The following ATPAF2 variants were observed in gnomAD, a reference collection of about 807,000 sequenced individuals.
ATPAF2 encodes ATP12 homolog.
A neutral mutation model predicts 36.6 loss-of-function variants in ATPAF2; 30 were observed. The ratio of observed to expected loss-of-function variants is 0.82; its 90% CI spans 0.61 to 1.11. The LOEUF (loss-of-function observed/expected upper bound fraction) is 1.11, where lower values mean the gene tolerates loss of function less well. ATPAF2 is among the 50% of genes most tolerant of loss of function. The probability of loss-of-function intolerance (pLI) is 0.00; values close to 1 mark genes in which losing one functional copy is unlikely to be tolerated. For synonymous variants in ATPAF2, 140 were observed against 152.6 expected, an observed-to-expected ratio of 0.92 and a Z score of 0.61; for missense variants, 321 against 372.3, an observed-to-expected ratio of 0.86 and a Z score of 1.13.
At chr17:18,037,275 C>T (rs1035832556) in intron 1 of ATPAF2, among the ~76,000 whole-genome samples, 1 of 151,804 alleles carries the variant, frequency 6.6e-6, no homozygotes, top group Non-Finnish European at 1.5e-5. Flanking sequence ...TGCATCCAGC[C>T]CCCTTCCCCA....
intron 1 of ATPAF2, among the ~76,000 whole-genome samples, chr17:18,032,035 T>C (rs1309879662): frequency 1.3e-5 from 2 of 152,184 alleles, no homozygotes; most frequent in Non-Finnish European, 2.9e-5. Flanking sequence ...ACCATGTCCT[T>C]TGTGTTTTCC....
chr17:18,028,156 G>A (rs192849497), intron 3 of ATPAF2, 76 bp downstream of exon 3: 106 of 1,594,432 alleles, frequency 6.6e-5, no homozygotes, highest in Admixed American at 4.3e-4. Flanking sequence ...GGGCCTTGTC[G>A]GAATTTGGTA....
chr17:18,028,610 C>G lies in ATPAF2; in HGVS notation c.178+5G>C, dbSNP rs1360522516. 3 of 1,601,254 alleles carry G rather than the reference C, an allele frequency of 1.9e-6. No individual in the cohort carries two copies. In the Admixed American group the frequency reaches 5.0e-5, roughly 27 times the overall value. On this transcript the variant is annotated splice_donor_5th_base_variant and intron_variant, in intron 2 of 7. Coordinates refer to ENST00000474627, the MANE Select transcript of ATPAF2 (RefSeq NM_145691.4). ...AAAGAGGCAGTCAAAATTTCAGACA[C>G]TCACCTTCACCCTGTGTGATGCTGA... is the stretch of plus-strand genomic sequence containing the variant.
intron 1 of ATPAF2, among the ~76,000 whole-genome samples, chr17:18,031,422 ATG>A (rs1290301672): frequency 1.3e-5 from 2 of 152,156 alleles, no homozygotes; most frequent in African/African-American, 4.8e-5. Flanking sequence ...CCACAAAAAT[ATG>A]TGTGTGTCTA....
At chr17:18,020,069 C>T (rs1384160787) in intron 7 of ATPAF2, among the ~76,000 whole-genome samples, 1 of 151,788 alleles carries the variant, frequency 6.6e-6, no homozygotes, top group Non-Finnish European at 1.5e-5. Context: ...CAGAAGACTA[C>T]AAGAACTAGG....
intron 1 of ATPAF2, among the ~76,000 whole-genome samples, chr17:18,035,254 A>G (rs541911231): frequency 2.1e-4 from 32 of 152,134 alleles, no homozygotes; most frequent in Non-Finnish European, 4.0e-4. Context: ...AACAAAAAAA[A>G]CCCAAACTTT....
rs1252151796 is a variant in ATPAF2 at position 18,021,126 on chromosome 17, G to T, written c.729C>A (p.Tyr243Ter). Residue 243 changes from tyrosine to a stop codon, truncating the protein, a stop_gained, in exon 7 of 8, where the codon TAC (tyrosine) becomes TAA (stop). Transcript: ENST00000474627. LOFTEE classifies it high-confidence loss of function. ...GACCTGAGGTGCTGCTCCTCACCTG[G>T]TACTCCTCCTCCAGGCGTGACAGCA... ...AVLLSRLEEE[Y>*]QIQKWGNIEW... 1.2e-6 allele frequency: 2 copies of T among 1,612,870 alleles called. No individual in the cohort carries two copies. Among genetic ancestry groups the T allele is most frequent in the Non-Finnish European group, 8.5e-7 (1 of 1,179,542 alleles).
intron 1 of ATPAF2, among the ~76,000 whole-genome samples, chr17:18,030,963 G>A (rs185117658): frequency 0.016 from 1,999 of 122,500 alleles, 57 homozygotes; most frequent in African/African-American, 0.061. Context: ...GTGAGCCACC[G>A]CGCCTGGCCT....
intron 1 of ATPAF2, among the ~76,000 whole-genome samples, chr17:18,036,383 G>C (rs1249458200): frequency 6.6e-6 from 1 of 152,076 alleles, no homozygotes; most frequent in Non-Finnish European, 1.5e-5. Context: ...AGACCATCCA[G>C]ACTAACATGG....
rs1471995487 is a variant in ATPAF2, at chr17:18,038,980, C to T, written c.34G>A (p.Gly12Arg). Residue 12 changes from glycine to arginine, a missense_variant, in exon 1 of 8, where the codon GGA becomes AGA. Gly to Arg is a moderately radical substitution (Grantham distance 125). Coordinates refer to ENST00000474627, the MANE Select transcript of ATPAF2 (RefSeq NM_145691.4). ...GCCGGCCGATTCAGGAGACGGCGTC[C>T]CCCGTCCCGCAGCCGGAGGCAGCTC... ...WRSCLRLRDG[G>R]RRLLNRPAGG... 2.5e-6 allele frequency: 4 copies of T among 1,612,174 alleles called. No individual in the cohort carries two copies. Among genetic ancestry groups the T allele is most frequent in the Non-Finnish European group, 3.4e-6 (4 of 1,179,200 alleles).
chr17:18,016,714 C>A, downstream of ATPAF2: 1 of 1,347,234 alleles, frequency 7.4e-7, no homozygotes, highest in Non-Finnish European at 1.1e-6. Flanking sequence ...ATAGCACCAG[C>A]CCCAGCCAGG....
At chr17:18,030,320 C>CAAA (rs1162130285) in intron 1 of ATPAF2, among the ~76,000 whole-genome samples, 20 of 64,062 alleles carry the variant, frequency 3.1e-4, no homozygotes, top group South Asian at 5.7e-4. Context: ...GACTCCATCT[C>CAAA]AAAAAAAAAA....
chr17:18,030,484 G>A (rs1159999849), intron 1 of ATPAF2, among the ~76,000 whole-genome samples: 6 of 145,908 alleles, frequency 4.1e-5, no homozygotes, highest in African/African-American at 1.5e-4. Flanking sequence ...CTCCAGCCTG[G>A]GCAACAGAAC....
At chr17:18,016,508 A>G (rs562367197), downstream of ATPAF2, 26 of 1,321,274 alleles carry the variant, frequency 2.0e-5, no homozygotes, top group East Asian at 5.6e-4. Context: ...AGTGAAAGAT[A>G]TTAACCAATG....
In ATPAF2 at chr17:18,018,547, C is replaced by A. The variant is rs2044417953; in HGVS notation, c.*2G>T. The A allele has an allele frequency of 6.2e-7, 1 of 1,613,484 alleles. No individual in the cohort carries two copies. Among genetic ancestry groups the A allele is most frequent in the African/African-American group, 1.3e-5 (1 of 75,058 alleles). On this transcript the variant is annotated 3_prime_UTR_variant, in exon 8 of 8. Coordinates refer to ENST00000474627, the MANE Select transcript of ATPAF2 (RefSeq NM_145691.4). ...TCCTGCTGAGTGTGCTCTGCCCAGG[C>A]CTCACTCCTTCAGGAGCTTGTGCTT...
At chr17:18,033,353 C>A (rs1357267019) in intron 1 of ATPAF2, among the ~76,000 whole-genome samples, 1 of 145,830 alleles carries the variant, frequency 6.9e-6, no homozygotes, top group Non-Finnish European at 1.5e-5. Flanking sequence ...CAGAATGAGA[C>A]TCTGTCTCAA....
Position 18,018,554 on chromosome 17 carries a change from C to T in ATPAF2, c.865G>A (p.Glu289Lys). The part of the protein sequence containing the change: ...STTVKHKLLK[E>K] ...GAGTGTGCTCTGCCCAGGCCTCACT[C>T]CTTCAGGAGCTTGTGCTTGACTGTG... Residue 289 changes from glutamate (E) to lysine (K), a missense_variant, in exon 8 of 8, where the codon GAG (glutamate) becomes AAG (lysine). Coordinates refer to ENST00000474627, the MANE Select transcript of ATPAF2 (RefSeq NM_145691.4). The T allele has an allele frequency of 6.2e-7, 1 of 1,613,608 alleles. No homozygotes were observed. Among genetic ancestry groups the T allele is most frequent in the Non-Finnish European group, 8.5e-7 (1 of 1,179,990 alleles).
At chr17:18,021,449 CA>C in intron 6 of ATPAF2, 1 of 644,860 alleles carries the variant, frequency 1.6e-6, no homozygotes, top group South Asian at 1.8e-5. Context: ...CCGAACTTGG[CA>C]AATCAGAGCT....
Position 18,021,183 on chromosome 17 carries a change from A to C in ATPAF2, c.672T>G (p.Ile224Met). Residue 224 changes from isoleucine to methionine, a missense_variant, in exon 7 of 8, where the codon ATT (isoleucine) becomes ATG (methionine). Transcript: ENST00000474627. ...LKSMVLTLGLIDLRLTVEQAV... is the reference protein window; with the variant it reads ...LKSMVLTLGLMDLRLTVEQAV... ...CCTGCTCCACTGTCAGGCGCAGGTC[A>C]ATCAGGCCCAAGGTTAGCACCATGG... 1.2e-5 allele frequency: 19 copies of C among 1,613,986 alleles called. No individual in the cohort carries two copies. The highest frequency in any genetic ancestry group is 1.6e-5 in the Non-Finnish European group (19 of 1,179,998).
Sources: allele counts gnomAD v4.1 joint callset (sites outside exome capture counted in the v4.1 genomes callset), GRCh38; gene constraint gnomAD v4.1.1; transcripts MANE v1.5; gene names NCBI Gene and HGNC (gene_info 2026-07-23, HGNC 2026-07-21).